Variants in CSGALNACT1 observed in about 807,000 individuals in gnomAD.
The protein encoded by CSGALNACT1 is beta4GalNAcT-1.
CSGALNACT1 carries 52 observed loss-of-function variants against 51.0 expected under a neutral mutation model. That is an observed-to-expected ratio of 1.02 (90% confidence interval 0.82 to 1.29). CSGALNACT1 has a LOEUF of 1.29. Ranked by LOEUF, CSGALNACT1 falls within the 50% of genes most tolerant of loss-of-function variation. CSGALNACT1 has a pLI of 0.00. For synonymous variants in CSGALNACT1, 341 were observed against 254.4 expected, an observed-to-expected ratio of 1.34 and a Z score of -3.24; for missense variants, 935 against 679.2, an observed-to-expected ratio of 1.38 and a Z score of -4.19.
chr8:19,473,103 G>C (rs1014798905), intron 4 of CSGALNACT1, among the ~76,000 whole-genome samples: 1 of 152,158 alleles, frequency 6.6e-6, no homozygotes, highest in Non-Finnish European at 1.5e-5. Context: ...ATGCTTGAAA[G>C]CAGAATGCAA....
intron 3 of CSGALNACT1, among the ~76,000 whole-genome samples, chr8:19,510,849 G>A (rs567478509): frequency 6.6e-6 from 1 of 152,294 alleles, no homozygotes; most frequent in East Asian, 1.9e-4. Context: ...TAAAACAAAG[G>A]CAGGTCAGGT....
upstream of CSGALNACT1, chr8:19,682,861 G>A (rs2060730935): frequency 2.6e-6 from 1 of 386,780 alleles, no homozygotes; most frequent in South Asian, 1.9e-5. Context: ...GCAGTCAGCA[G>A]CCCTCACAGG....
At chr8:19,692,070 G>GA (rs1255176192) in intron 1 of CSGALNACT1, among the ~76,000 whole-genome samples, 7 of 131,350 alleles carry the variant, frequency 5.3e-5, no homozygotes, top group African/African-American at 8.8e-5. Context: ...GCAAGAGTAG[G>GA]GAAAACTGCC....
intron 3 of CSGALNACT1, among the ~76,000 whole-genome samples, chr8:19,513,432 C>CTATATATATATA (rs1464867601): frequency 1.0e-3 from 74 of 71,858 alleles, no homozygotes; most frequent in Non-Finnish European, 1.7e-3. Context: ...CTCTCTCTCT[C>CTATATATATATA]TCTCTATATA....
intron 3 of CSGALNACT1, among the ~76,000 whole-genome samples, chr8:19,545,968 G>C (rs892642565): frequency 6.6e-6 from 1 of 151,580 alleles, no homozygotes; most frequent in Non-Finnish European, 1.5e-5. Flanking sequence ...TTTGCAAACT[G>C]CATGTATAGT....
At chr8:19,732,735 C>T (rs917698487) in intron 1 of CSGALNACT1, among the ~76,000 whole-genome samples, 6 of 152,228 alleles carry the variant, frequency 3.9e-5, no homozygotes, top group East Asian at 1.9e-4. Context: ...TTATAAATTA[C>T]GTCATTTCAA....
chr8:19,531,709 T>A (rs1039020723), intron 3 of CSGALNACT1: 2 of 152,202 alleles, frequency 1.3e-5, no homozygotes, highest in Non-Finnish European at 2.9e-5. Flanking sequence ...CAACTGTGAC[T>A]TCGGTGGAAC....
intron 1 of CSGALNACT1, among the ~76,000 whole-genome samples, chr8:19,658,641 C>T (rs201930422): frequency 7.9e-5 from 12 of 151,848 alleles, no homozygotes; most frequent in Non-Finnish European, 1.2e-4. Context: ...GGCTGAGGCA[C>T]GAGAATCACT....
intron 3 of CSGALNACT1, among the ~76,000 whole-genome samples, chr8:19,564,346 C>T (rs1177597261): frequency 6.6e-6 from 1 of 152,006 alleles, no homozygotes; most frequent in East Asian, 1.9e-4. Context: ...AAATGGATGC[C>T]TAGTCCCATC....
chr8:19,714,534 G>A (rs1045289327), intron 1 of CSGALNACT1, among the ~76,000 whole-genome samples: 1 of 151,964 alleles, frequency 6.6e-6, no homozygotes, highest in Admixed American at 6.6e-5. Flanking sequence ...GAGCTCTGAG[G>A]CGTTTGGTTT....
intron 1 of CSGALNACT1, among the ~76,000 whole-genome samples, chr8:19,620,123 G>C (rs1451980794): frequency 6.6e-6 from 1 of 151,990 alleles, no homozygotes; most frequent in African/African-American, 2.4e-5. Context: ...GACCAACCTG[G>C]CCAATGTGGG....
chr8:19,711,679 A>G (rs2062512377), intron 1 of CSGALNACT1, among the ~76,000 whole-genome samples: 1 of 152,216 alleles, frequency 6.6e-6, no homozygotes, highest in South Asian at 2.1e-4. Context: ...CTGCAGCTGA[A>G]GAAGGGAATC....
intron 5 of CSGALNACT1, chr8:19,457,475 T>A (rs2064349297): frequency 2.6e-6 from 1 of 378,544 alleles, no homozygotes; most frequent in Admixed American, 3.5e-5. Context: ...TAGCCGGGCA[T>A]GGTAATGGGC....
chr8:19,689,386 A>G (rs1300954051), intron 1 of CSGALNACT1, among the ~76,000 whole-genome samples: 7 of 152,132 alleles, frequency 4.6e-5, no homozygotes, highest in Non-Finnish European at 1.0e-4. Context: ...AGCCATCTTG[A>G]AAGAGGATTC....
At chr8:19,728,786 G>T (rs1299326319) in intron 1 of CSGALNACT1, among the ~76,000 whole-genome samples, 1 of 152,004 alleles carries the variant, frequency 6.6e-6, no homozygotes, top group Non-Finnish European at 1.5e-5. Flanking sequence ...ACATTTTTAG[G>T]TGTGTATGAC....
chr8:19,462,863 C>A (rs1156915447), intron 4 of CSGALNACT1, among the ~76,000 whole-genome samples: 1 of 151,760 alleles, frequency 6.6e-6, no homozygotes, highest in South Asian at 2.1e-4. Context: ...AGGTTTGTTA[C>A]ACAAGTAAAC....
intron 3 of CSGALNACT1, among the ~76,000 whole-genome samples, chr8:19,550,440 T>G (rs1021523368): frequency 6.6e-6 from 1 of 152,374 alleles, no homozygotes; most frequent in South Asian, 2.1e-4. Flanking sequence ...TCTGTCATCA[T>G]GCTTCTCATT....
At chr8:19,466,032 C>T (rs1274842460) in intron 4 of CSGALNACT1, among the ~76,000 whole-genome samples, 1 of 152,166 alleles carries the variant, frequency 6.6e-6, no homozygotes, top group African/African-American at 2.4e-5. Flanking sequence ...TTACAGAATT[C>T]CTTTAACCTT....
intron 5 of CSGALNACT1, chr8:19,457,738 G>A: frequency 7.4e-7 from 1 of 1,348,334 alleles, no homozygotes. Flanking sequence ...ATGTGCATCT[G>A]AGCCATCACA....
Sources: gnomAD v4.1 joint callset for allele counts (sites outside exome capture counted in the v4.1 genomes callset) on GRCh38, gnomAD v4.1.1 for gene constraint, MANE v1.5 for transcripts, NCBI Gene and HGNC (gene_info 2026-07-23, HGNC 2026-07-21) for gene names.